SLC4A8: variants seen among roughly 807,000 people sequenced by gnomAD.
SLC4A8 encodes the protein solute carrier family 4 member 8.
A neutral mutation model predicts 125.0 loss-of-function variants in SLC4A8; 40 were observed. The ratio of observed to expected loss-of-function variants is 0.32; its 90% confidence interval spans 0.25 to 0.42. The LOEUF is 0.42. Among genes scored for constraint, SLC4A8 ranks in the 10% least tolerant of loss-of-function variants. The pLI, the probability that SLC4A8 is intolerant of heterozygous loss-of-function variation, is 1.00. For missense variants in SLC4A8, 863 were observed against 1,355.1 expected, an observed-to-expected ratio of 0.64 and a Z score of 5.70; for synonymous variants, 456 against 476.0, an observed-to-expected ratio of 0.96 and a Z score of 0.55.
intron 1 of SLC4A8, among the ~76,000 whole-genome samples, chr12:51,404,711 G>C (rs1489126725): frequency 2.6e-5 from 4 of 152,168 alleles, no homozygotes. Flanking sequence ...TAAAGAATGA[G>C]AGGACTCCAG....
intron 1 of SLC4A8, chr12:51,392,005 G>A (rs1194872022): frequency 6.6e-6 from 1 of 152,528 alleles, no homozygotes; most frequent in African/African-American, 2.4e-5. Flanking sequence ...CTGCCCCGGA[G>A]GGGGAAACGC....
chr12:51,421,624 G>C (rs1301571867), upstream of SLC4A8, among the ~76,000 whole-genome samples: 2 of 152,166 alleles, frequency 1.3e-5, no homozygotes, highest in African/African-American at 4.8e-5. Flanking sequence ...TTGCCTTCCA[G>C]GGGAGTGGGG....
At chr12:51,502,831 C>G (rs1422817797) in intron 22 of SLC4A8, among the ~76,000 whole-genome samples, 2 of 148,752 alleles carry the variant, frequency 1.3e-5, no homozygotes, top group Non-Finnish European at 3.0e-5. Context: ...CCACCACGCC[C>G]GACTAATTTT....
At position 51,474,394 on chromosome 12, in the gene SLC4A8, A is replaced by G; in HGVS notation, c.1957A>G (p.Lys653Glu). 5.6e-6 allele frequency: 9 copies of G among 1,613,208 alleles called. No homozygotes were observed. The highest frequency in any genetic ancestry group is 6.8e-6 in the Non-Finnish European group (8 of 1,179,264). ...AAACAATCACACCCTCCAGTACTGG[A>G]AGGACCACAACATCGTGACAGCAGA... ...NPNNHTLQYW[K>E]DHNIVTAEVH... is the part of the protein sequence containing the mutation. Residue 653 changes from lysine (K) to glutamate (E), a missense_variant, in exon 15 of 25, where the codon AAG becomes GAG. This residue lies in a region of SLC4A8 where 76 missense variants were observed against 80.2 expected (regional missense o/e 0.95). Transcript: ENST00000453097.
At chr12:51,506,676 C>A (rs891808513) in intron 24 of SLC4A8, among the ~76,000 whole-genome samples, 3 of 152,212 alleles carry the variant, frequency 2.0e-5, no homozygotes, top group African/African-American at 7.2e-5. Context: ...TCAAGGGATC[C>A]TCCTACCTTG....
intron 1 of SLC4A8, 140 bp downstream of exon 1, chr12:51,425,175 C>T (rs1948925911): frequency 1.4e-6 from 2 of 1,425,760 alleles, no homozygotes. Context: ...GCCCGGGACA[C>T]CAGGGGGCGC....
chr12:51,461,708 T>C, intron 9 of SLC4A8: 1 of 191,434 alleles, frequency 5.2e-6, no homozygotes, highest in Non-Finnish European at 1.1e-5. Flanking sequence ...GGCAGTGTAG[T>C]GTGAATGTCT....
intron 1 of SLC4A8, 120 bp downstream of exon 1, chr12:51,425,155 G>T: frequency 6.9e-7 from 1 of 1,447,948 alleles, no homozygotes; most frequent in South Asian, 1.4e-5. Flanking sequence ...CTGAGGGCGA[G>T]GGGAGGCCAG....
chr12:51,504,080 A>G lies in SLC4A8; in HGVS notation c.3133A>G (p.Arg1045Gly). 1 of 1,590,080 alleles carries G rather than the reference A, an allele frequency of 6.3e-7. No individual in the cohort carries two copies. Among genetic ancestry groups the G allele is most frequent in the Non-Finnish European group, 8.6e-7 (1 of 1,166,750 alleles). The change falls in exon 23 of 25, where the codon AGG (arginine) becomes GGG (glycine). Residue 1045 changes from arginine (R) to glycine (G), a missense_variant. By Grantham distance (125) the Arg-to-Gly change is moderately radical. Coordinates refer to ENST00000453097, the MANE Select transcript of SLC4A8 (RefSeq NM_001039960.3). ...GGGAGACAAGTTTCCCTTAGAGAGC[A>G]GGAAGTTACTAAGTAGTCCTGGAAA... ...IGGDKFPLESRKLLSSPGKNI... is the reference protein window; with the variant it reads ...IGGDKFPLESGKLLSSPGKNI...
intron 6 of SLC4A8, 143 bp from the exon 7 acceptor site, chr12:51,458,416 G>T: frequency 1.6e-6 from 1 of 630,648 alleles, no homozygotes; most frequent in Non-Finnish European, 2.9e-6. Context: ...AAAGATGTGT[G>T]TGGGTCTTGA....
At chr12:51,463,138 T>G (rs1950392880) in intron 10 of SLC4A8, among the ~76,000 whole-genome samples, 1 of 152,164 alleles carries the variant, frequency 6.6e-6, no homozygotes, top group African/African-American at 2.4e-5. Context: ...GGAAAGGAAC[T>G]CCTACTGTGT....
At chr12:51,453,771 C>T (rs1175130329) in intron 5 of SLC4A8, 72 bp downstream of exon 5, 18 of 1,408,638 alleles carry the variant, frequency 1.3e-5, no homozygotes, top group African/African-American at 4.3e-5. Flanking sequence ...AGGAGTGTGG[C>T]GTGACAGAAA....
upstream of SLC4A8, among the ~76,000 whole-genome samples, chr12:51,424,085 A>C (rs867926188): frequency 1.7e-4 from 25 of 149,418 alleles, no homozygotes; most frequent in African/African-American, 3.4e-4. Flanking sequence ...AACAAAAAAA[A>C]CCCAAAAGGT....
chr12:51,475,782 A>G (rs1319376176), intron 16 of SLC4A8, among the ~76,000 whole-genome samples: 1 of 152,214 alleles, frequency 6.6e-6, no homozygotes, highest in East Asian at 1.9e-4. Flanking sequence ...GCAGGGCAAG[A>G]TTAGAGGCTG....
intron 1 of SLC4A8, among the ~76,000 whole-genome samples, chr12:51,418,694 C>T (rs1298026167): frequency 6.6e-6 from 1 of 152,074 alleles, no homozygotes; most frequent in East Asian, 1.9e-4. Context: ...GAAATAAATT[C>T]GCATTCTATC....
intron 16 of SLC4A8, among the ~76,000 whole-genome samples, chr12:51,475,649 G>A (rs556790587): frequency 6.6e-6 from 1 of 152,262 alleles, no homozygotes; most frequent in Admixed American, 6.5e-5. Flanking sequence ...AATCACTGGC[G>A]ACACTGACTG....
chr12:51,408,532 C>T (rs143990995), intron 1 of SLC4A8, among the ~76,000 whole-genome samples: 108 of 152,270 alleles, frequency 7.1e-4, no homozygotes, highest in Admixed American at 2.2e-3. Flanking sequence ...ACACTGCGCC[C>T]GGCCTATAAT....
At chr12:51,441,066 C>A in intron 2 of SLC4A8, 1 of 1,102,252 alleles carries the variant, frequency 9.1e-7, no homozygotes, top group Non-Finnish European at 1.1e-6. Context: ...GTAACCTGTT[C>A]TTTGAGAATG....
intron 1 of SLC4A8, among the ~76,000 whole-genome samples, chr12:51,394,355 G>A (rs1948219168): frequency 6.6e-6 from 1 of 152,250 alleles, no homozygotes; most frequent in Admixed American, 6.5e-5. Context: ...AGGTTCATGA[G>A]TCCGCAGGAT....
Sources: allele counts gnomAD v4.1 joint callset (sites outside exome capture counted in the v4.1 genomes callset), GRCh38; gene constraint gnomAD v4.1.1; regional missense constraint gnomAD v4.1.1; transcripts MANE v1.5; gene names NCBI Gene and HGNC (gene_info 2026-07-23, HGNC 2026-07-21).